The following CACNA2D1 variants were observed in gnomAD, a reference collection of about 807,000 sequenced individuals.
CACNA2D1 encodes voltage-dependent calcium channel subunit alpha-2/delta-1.
In CACNA2D1, 53 loss-of-function variants were observed where a neutral mutation model predicts 171.5. That is an observed-to-expected ratio of 0.31 (90% CI 0.25 to 0.39). The LOEUF (loss-of-function observed/expected upper bound fraction) is 0.39. CACNA2D1 is among the 10% of genes least tolerant of loss of function. The probability of loss-of-function intolerance (pLI) is 1.00; values close to 1 mark genes in which losing one functional copy is unlikely to be tolerated. For missense variants in CACNA2D1, 903 were observed against 1,299.8 expected (o/e 0.69, Z 4.69); for synonymous variants, 442 against 443.1 (o/e 1.00, Z 0.03).
chr7:82,307,634 G>A (rs1585424315), intron 3 of CACNA2D1, among the ~76,000 whole-genome samples: 1 of 151,892 alleles, frequency 6.6e-6, no homozygotes, highest in African/African-American at 2.4e-5. Context: ...CCCCTCCAAG[G>A]AGGGCTATTG....
intron 6 of CACNA2D1, among the ~76,000 whole-genome samples, chr7:82,116,067 T>C (rs900072688): frequency 6.6e-6 from 1 of 152,180 alleles, no homozygotes; most frequent in Admixed American, 6.6e-5. Context: ...GGATTCCAAA[T>C]ACACTCTACC....
intron 3 of CACNA2D1, among the ~76,000 whole-genome samples, chr7:82,260,962 T>A (rs1445536001): frequency 6.6e-6 from 1 of 151,956 alleles, no homozygotes; most frequent in Non-Finnish European, 1.5e-5. Flanking sequence ...ACCTTTTTTT[T>A]TTTTCTTCTT....
chr7:81,952,311 A>T (rs1001520074), intron 38 of CACNA2D1, among the ~76,000 whole-genome samples: 2 of 152,106 alleles, frequency 1.3e-5, no homozygotes, highest in East Asian at 3.9e-4. Flanking sequence ...CCCAAAGAAT[A>T]AGAACTTTGG....
At chr7:82,126,387 G>A (rs1790339977) in intron 5 of CACNA2D1, among the ~76,000 whole-genome samples, 2 of 152,140 alleles carry the variant, frequency 1.3e-5, no homozygotes, top group African/African-American at 2.4e-5. Flanking sequence ...AGCAACAGAT[G>A]ACATGATTCA....
chr7:82,443,877 G>T (rs889685868), upstream of CACNA2D1: 6 of 396,302 alleles, frequency 1.5e-5, no homozygotes, highest in South Asian at 2.8e-4. Context: ...TGGAGGGTGG[G>T]GGTGGCTGCA....
intron 3 of CACNA2D1, among the ~76,000 whole-genome samples, chr7:82,230,506 A>G (rs1245711413): frequency 6.6e-6 from 1 of 152,174 alleles, no homozygotes; most frequent in Non-Finnish European, 1.5e-5. Context: ...AAGACTGCAT[A>G]TGTTTCACTT....
At chr7:82,272,665 A>G (rs1457202020) in intron 3 of CACNA2D1, among the ~76,000 whole-genome samples, 1 of 152,158 alleles carries the variant, frequency 6.6e-6, no homozygotes, top group Non-Finnish European at 1.5e-5. Flanking sequence ...ATCTTCTGAA[A>G]ACAAAAGAAT....
In CACNA2D1 at chr7:81,980,275, A is replaced by C. The variant is rs138495804; in HGVS notation, c.1955+2292T>G. Reference sequence around the variant, plus strand: ...TACGGGTAGGGAAACTTTCCCTGACAGGGCCATGTAGCAAGTGATTTAGGC... The same window carrying C: ...TACGGGTAGGGAAACTTTCCCTGACCGGGCCATGTAGCAAGTGATTTAGGC... On this transcript the variant is annotated intron_variant, in intron 24 of 38. Transcript: ENST00000356860. Among the ~76,000 whole-genome samples, 243 of 150,838 alleles carry C rather than the reference A, an allele frequency of 1.6e-3. 5 individuals carry two copies. In the East Asian group the frequency reaches 0.018, roughly 11 times the overall value.
intron 1 of CACNA2D1, among the ~76,000 whole-genome samples, chr7:82,377,545 C>G (rs1823154605): frequency 6.6e-6 from 1 of 152,204 alleles, no homozygotes; most frequent in Non-Finnish European, 1.5e-5. Flanking sequence ...TATACTCCCT[C>G]ACCTTCCCCT....
chr7:82,432,689 A>T (rs1160653426), intron 1 of CACNA2D1, among the ~76,000 whole-genome samples: 1 of 152,114 alleles, frequency 6.6e-6, no homozygotes, highest in Admixed American at 6.5e-5. Context: ...CTTGACAAGG[A>T]TCTGTTTCGA....
chr7:81,969,545 C>T lies in CACNA2D1; in HGVS notation c.2308+336G>A, dbSNP rs145581669. On this transcript the variant is annotated intron_variant, in intron 28 of 38. Transcript: ENST00000356860. Reference sequence around the variant, plus strand: ...ATAATACTGATAAAATGTAATTAATCAATGGAATTACTCTATTTAATTCCT... The same window carrying T: ...ATAATACTGATAAAATGTAATTAATTAATGGAATTACTCTATTTAATTCCT... Among the ~76,000 whole-genome samples the T allele has an allele frequency of 6.6e-4, 100 of 151,216 alleles. 1 individual carries two copies. The East Asian group carries it at 0.019, about 28-fold the overall frequency.
chr7:82,391,245 G>A (rs1018825826), intron 1 of CACNA2D1, among the ~76,000 whole-genome samples: 4 of 152,194 alleles, frequency 2.6e-5, no homozygotes, highest in Admixed American at 6.5e-5. Flanking sequence ...TTTAGAATCT[G>A]ACAACACATT....
intron 3 of CACNA2D1, among the ~76,000 whole-genome samples, chr7:82,262,948 C>T (rs1022440845): frequency 3.3e-5 from 5 of 152,036 alleles, no homozygotes; most frequent in Non-Finnish European, 7.4e-5. Context: ...TGCTGAGTTC[C>T]CACCTTGGTC....
rs969306691 is a variant in CACNA2D1, at chr7:82,343,029, C to A, written c.177+6539G>T. The stretch of plus-strand genomic sequence containing the variant: ...CAAACACAATCCAAACATATATATA[C>A]ACACACATGCAATTATATACATACC... On this transcript the variant is annotated intron_variant, in intron 2 of 38. Coordinates refer to ENST00000356860, the MANE Select transcript of CACNA2D1 (RefSeq NM_000722.4). 4 of 152,238 alleles carry A rather than the reference C, an allele frequency of 2.6e-5. No individual in the cohort carries two copies. In the South Asian group the frequency reaches 8.3e-4, roughly 32 times the overall value. 9.4% of individuals were successfully genotyped at this position (152,238 alleles called of 1,614,324 possible). A position where few individuals can be genotyped will look rare whatever the true frequency, so the allele number is the denominator to read the frequency against.
At chr7:82,345,764 A>G (rs1377191615) in intron 2 of CACNA2D1, among the ~76,000 whole-genome samples, 2 of 151,998 alleles carry the variant, frequency 1.3e-5, no homozygotes, top group African/African-American at 4.8e-5. Context: ...TATTAAAAAT[A>G]CATATATATT....
At chr7:82,258,652 TTTAAATA>T (rs1316374607) in intron 3 of CACNA2D1, among the ~76,000 whole-genome samples, 1 of 152,138 alleles carries the variant, frequency 6.6e-6, no homozygotes, top group Non-Finnish European at 1.5e-5. Flanking sequence ...TTTCAAAGTA[TTTAAATA>T]TTAATCATGC....
At chr7:82,369,392 T>A (rs1054773648) in intron 1 of CACNA2D1, among the ~76,000 whole-genome samples, 1 of 151,744 alleles carries the variant, frequency 6.6e-6, no homozygotes, top group African/African-American at 2.4e-5. Context: ...TACTGCAGTT[T>A]CCAGCTAACT....
At chr7:82,183,716 A>G (rs916587886) in intron 3 of CACNA2D1, among the ~76,000 whole-genome samples, 4 of 152,172 alleles carry the variant, frequency 2.6e-5, no homozygotes, top group African/African-American at 9.7e-5. Context: ...TGAATGAAGA[A>G]GGAGGAAAAG....
At chr7:82,001,444 T>G (rs2130833524) in intron 18 of CACNA2D1, among the ~76,000 whole-genome samples, 1 of 152,326 alleles carries the variant, frequency 6.6e-6, no homozygotes. Context: ...TAATTGACTT[T>G]GCAATCTTTG....
Sources: allele counts gnomAD v4.1 joint callset (sites outside exome capture counted in the v4.1 genomes callset), GRCh38; gene constraint gnomAD v4.1.1; transcripts MANE v1.5; gene names NCBI Gene and HGNC (gene_info 2026-07-23, HGNC 2026-07-21).